RAP1GAP2: variants seen among roughly 807,000 people sequenced by gnomAD.
RAP1GAP2 encodes the protein rap1 GTPase-activating protein 2.
A neutral mutation model predicts 95.0 loss-of-function variants in RAP1GAP2; 27 were observed. The ratio of observed to expected loss-of-function variants is 0.28; its 90% CI spans 0.21 to 0.39. The LOEUF is 0.39. Among genes scored for constraint, RAP1GAP2 ranks in the 10% least tolerant of loss-of-function variants. The pLI is 1.00. For missense variants in RAP1GAP2, 771 were observed against 970.0 expected (o/e 0.79, Z 2.72); for synonymous variants, 373 against 380.9 (o/e 0.98, Z 0.24).
At chr17:2,792,366 G>A (rs1450700092), upstream of RAP1GAP2, among the ~76,000 whole-genome samples, 1 of 152,210 alleles carries the variant, frequency 6.6e-6, no homozygotes, top group African/African-American at 2.4e-5. Context: ...TCTGTTTGCT[G>A]ATAAACTCGT....
intron 12 of RAP1GAP2, 96 bp from the exon 13 acceptor site, chr17:2,995,241 T>C (rs957093517): frequency 1.3e-5 from 19 of 1,434,632 alleles, no homozygotes; most frequent in Non-Finnish European, 1.6e-5. Context: ...CTCTGCTGCG[T>C]ATCCTCTGCT....
chr17:2,979,621 C>T (rs773430680), intron 8 of RAP1GAP2, among the ~76,000 whole-genome samples: 6 of 151,798 alleles, frequency 4.0e-5, no homozygotes, highest in African/African-American at 9.7e-5. Context: ...CACCCACCAC[C>T]GCGCCCAGCT....
intron 1 of RAP1GAP2, among the ~76,000 whole-genome samples, chr17:2,778,811 T>C (rs913812878): frequency 2.6e-5 from 4 of 152,142 alleles, no homozygotes; most frequent in African/African-American, 9.7e-5. Context: ...GACATGGGGT[T>C]TGAAGGAGAG....
Position 2,999,795 on chromosome 17 carries a change from A to C in RAP1GAP2, c.1200+1419A>C, listed in dbSNP as rs559183703. ...GACCCTGTCTCTAAAAAAAAAAAAA[A>C]ACAGAACAAAACAAAATAAAACAAA... is the stretch of plus-strand genomic sequence containing the variant. On this transcript the variant is annotated intron_variant, in intron 14 of 24. Transcript: ENST00000254695. 2.1e-3 allele frequency among the ~76,000 whole-genome samples: 319 copies of C among 151,728 alleles called. 4 individuals carry two copies. In the East Asian group the frequency reaches 0.036, roughly 17 times the overall value.
chr17:2,808,339 C>T (rs1166929191), intron 2 of RAP1GAP2, among the ~76,000 whole-genome samples: 3 of 152,106 alleles, frequency 2.0e-5, no homozygotes, highest in Non-Finnish European at 2.9e-5. Flanking sequence ...TGGGTGGATG[C>T]TGGTCCCATT....
intron 1 of RAP1GAP2, among the ~76,000 whole-genome samples, chr17:2,767,163 A>C (rs1182346920): frequency 2.0e-5 from 3 of 151,666 alleles, no homozygotes; most frequent in Admixed American, 2.0e-4. Flanking sequence ...GGAGTTCGAG[A>C]CCAGCCTGGC....
chr17:2,785,606 C>T (rs760232384), intron 1 of RAP1GAP2, among the ~76,000 whole-genome samples: 2 of 152,174 alleles, frequency 1.3e-5, no homozygotes, highest in African/African-American at 2.4e-5. Flanking sequence ...ACATTTCCCA[C>T]GCTTGCTTGA....
At chr17:2,817,999 G>T (rs149433670) in intron 2 of RAP1GAP2, among the ~76,000 whole-genome samples, 4,787 of 151,592 alleles carry the variant, frequency 0.032, 177 homozygotes, top group East Asian at 0.15. Context: ...ACCACGCCTG[G>T]CTAATTTTTT....
chr17:2,825,991 T>G lies in RAP1GAP2; in HGVS notation c.80+25441T>G, dbSNP rs2070535767. Reference sequence around the variant, plus strand: ...TTTCTTTCTTTCTTTCTGTTTTTTTTTTTTTTTGAGACGGAGTCTTGCTCT... The same window carrying G: ...TTTCTTTCTTTCTTTCTGTTTTTTTGTTTTTTTGAGACGGAGTCTTGCTCT... On this transcript the variant is annotated intron_variant, in intron 2 of 24. Transcript: ENST00000254695. The surrounding 1 kb of genome is among the most constrained non-coding windows in gnomAD (Gnocchi z 4.1). Among the ~76,000 whole-genome samples, 1 of 148,664 alleles carries G rather than the reference T, an allele frequency of 6.7e-6. No homozygotes were observed. Among genetic ancestry groups the G allele is most frequent in the African/African-American group, 2.5e-5 (1 of 40,282 alleles).
chr17:2,997,742 G>GT (rs909268560), intron 13 of RAP1GAP2, among the ~76,000 whole-genome samples: 42 of 152,104 alleles, frequency 2.8e-4, no homozygotes, highest in African/African-American at 9.6e-4. Flanking sequence ...GGCCAACATG[G>GT]TGAAACCTCG....
intron 18 of RAP1GAP2, among the ~76,000 whole-genome samples, chr17:3,019,844 G>C (rs938832573): frequency 6.6e-6 from 1 of 152,146 alleles, no homozygotes; most frequent in African/African-American, 2.4e-5. Context: ...CTAGAGGTTG[G>C]TTCCAGGCTC....
chr17:2,795,095 C>A (rs2069033848), upstream of RAP1GAP2, among the ~76,000 whole-genome samples: 1 of 151,834 alleles, frequency 6.6e-6, no homozygotes, highest in Non-Finnish European at 1.5e-5. Context: ...CCAGGCTGGT[C>A]TCGAACTCCT....
At chr17:2,935,621 A>T (rs2043283818) in intron 3 of RAP1GAP2, among the ~76,000 whole-genome samples, 2 of 152,260 alleles carry the variant, frequency 1.3e-5, no homozygotes, top group South Asian at 4.2e-4. Context: ...TAATTCTATA[A>T]ATCCAGTACA....
At position 3,010,296 on chromosome 17, in the gene RAP1GAP2, C is replaced by T. The variant is rs111995171; in HGVS notation, c.1494+2151C>T. Among the ~76,000 whole-genome samples, 1,079 of 137,738 alleles carry T rather than the reference C, an allele frequency of 7.8e-3. 12 individuals are homozygous for T. The highest frequency in any genetic ancestry group is 0.019 in the South Asian group (83 of 4,394). The allele number at this position is 137,738 out of a possible 152,430, so 90.4% of individuals were successfully genotyped here. A position where few individuals can be genotyped will look rare whatever the true frequency, so the allele number is the denominator to read the frequency against. ...CGGAGGTTGCAGTGAGCCGAGATCA[C>T]GCCACTGCACTCCAGCCTGGAGACA... On this transcript the variant is annotated intron_variant, in intron 17 of 24. Coordinates refer to ENST00000254695, the MANE Select transcript of RAP1GAP2 (RefSeq NM_015085.5).
At chr17:2,914,766 A>C (rs71359188) in intron 3 of RAP1GAP2, among the ~76,000 whole-genome samples, 1 of 148,902 alleles carries the variant, frequency 6.7e-6, no homozygotes, top group Admixed American at 6.7e-5. Flanking sequence ...CTGGGATTAC[A>C]GGTGCGAGCC....
chr17:3,010,662 G>A (rs540133151), intron 17 of RAP1GAP2, among the ~76,000 whole-genome samples: 3 of 152,174 alleles, frequency 2.0e-5, no homozygotes, highest in Non-Finnish European at 4.4e-5. Flanking sequence ...TGCTTGACTC[G>A]AGGGGGTCTG....
At chr17:2,769,283 C>T (rs1456778301) in intron 1 of RAP1GAP2, among the ~76,000 whole-genome samples, 29 of 111,182 alleles carry the variant, frequency 2.6e-4, no homozygotes, top group African/African-American at 7.7e-4. Context: ...GGTCTGGGTG[C>T]GGTGGCTCAC....
chr17:2,938,695 A>G (rs1880661844), intron 3 of RAP1GAP2, among the ~76,000 whole-genome samples: 2 of 152,192 alleles, frequency 1.3e-5, no homozygotes, highest in African/African-American at 4.8e-5. Context: ...GATAAAAAAA[A>G]TAAATATCTG....
chr17:2,926,802 C>T (rs1387664631), intron 3 of RAP1GAP2, among the ~76,000 whole-genome samples: 3 of 151,786 alleles, frequency 2.0e-5, no homozygotes, highest in East Asian at 2.0e-4. Flanking sequence ...GTCAAGAGTT[C>T]GAGACCAGCC....
Sources: gnomAD v4.1 joint callset for allele counts (sites outside exome capture counted in the v4.1 genomes callset) on GRCh38, gnomAD v4.1.1 for gene constraint, Gnocchi (gnomAD v3.1) non-coding constraint, MANE v1.5 for transcripts, NCBI Gene and HGNC (gene_info 2026-07-23, HGNC 2026-07-21) for gene names.